The following PRKCE variants were observed in gnomAD, a reference collection of about 807,000 sequenced individuals.
PRKCE encodes the protein protein kinase C epsilon type.
PRKCE carries 16 observed loss-of-function variants against 85.4 expected under a neutral mutation model. The observed-to-expected ratio is 0.19, with a 90% confidence interval of 0.13 to 0.28. PRKCE has a LOEUF of 0.28. PRKCE is among the 10% of genes least tolerant of loss of function. The probability of loss-of-function intolerance (pLI) is 1.00; values close to 1 mark genes in which losing one functional copy is unlikely to be tolerated. For synonymous variants in PRKCE, 388 were observed against 371.5 expected, an observed-to-expected ratio of 1.04 and a Z score of -0.51; for missense variants, 573 against 975.2, an observed-to-expected ratio of 0.59 and a Z score of 5.49.
chr2:46,100,607 C>G (rs1208143481), intron 11 of PRKCE, among the ~76,000 whole-genome samples: 1 of 152,210 alleles, frequency 6.6e-6, no homozygotes, highest in Non-Finnish European at 1.5e-5. Flanking sequence ...GAAATCTGCT[C>G]ATGCAAAAGC....
At chr2:46,146,505 C>A (rs1201618350) in intron 12 of PRKCE, among the ~76,000 whole-genome samples, 1 of 152,168 alleles carries the variant, frequency 6.6e-6, no homozygotes, top group Non-Finnish European at 1.5e-5. Flanking sequence ...AAGATGGTAT[C>A]CTCAGGGATC....
chr2:46,061,824 A>ATTTCTTTTCTTTTCT (rs529400456), intron 10 of PRKCE, among the ~76,000 whole-genome samples: 212 of 129,352 alleles, frequency 1.6e-3, no homozygotes, highest in Middle Eastern at 4.3e-3. Flanking sequence ...TACGTTAAGT[A>ATTTCTTTTCTTTTCT]TTTCTTTTCT....
At chr2:45,973,302 C>G (rs4953293) in intron 2 of PRKCE, among the ~76,000 whole-genome samples, 57,887 of 152,054 alleles carry the variant, frequency 0.38, 11,155 homozygotes, top group Middle Eastern at 0.51. Context: ...CTGGCCTGAC[C>G]CGTGGCTTTC....
intron 1 of PRKCE, among the ~76,000 whole-genome samples, chr2:45,723,708 G>A (rs963999832): frequency 6.6e-6 from 1 of 152,108 alleles, no homozygotes; most frequent in Non-Finnish European, 1.5e-5. Flanking sequence ...GGTTTCAAGC[G>A]ATTCTCCTGC....
At chr2:45,749,949 C>T (rs891845870) in intron 1 of PRKCE, among the ~76,000 whole-genome samples, 2 of 152,040 alleles carry the variant, frequency 1.3e-5, no homozygotes, top group Admixed American at 1.3e-4. Flanking sequence ...AAGGATAAGG[C>T]CTTTTGGGGG....
intron 1 of PRKCE, among the ~76,000 whole-genome samples, chr2:45,797,930 C>G (rs1333174733): frequency 6.6e-6 from 1 of 152,210 alleles, no homozygotes; most frequent in Non-Finnish European, 1.5e-5. Flanking sequence ...GCCAACATAA[C>G]AAAACAGGCG....
chr2:45,944,539 A>T (rs1205277912), intron 2 of PRKCE, among the ~76,000 whole-genome samples: 1 of 151,868 alleles, frequency 6.6e-6, no homozygotes, highest in Admixed American at 6.6e-5. Flanking sequence ...CCCAGGCTGG[A>T]GTACAGTGAT....
At chr2:45,665,840 C>T (rs763111853) in intron 1 of PRKCE, among the ~76,000 whole-genome samples, 1 of 152,164 alleles carries the variant, frequency 6.6e-6, no homozygotes, top group African/African-American at 2.4e-5. Context: ...TTCTGCTTCC[C>T]ACTACCCCAA....
Position 45,907,673 on chromosome 2 carries a change from A to G in PRKCE, c.412+64610A>G, listed in dbSNP as rs564234726. On this transcript the variant is annotated intron_variant, in intron 2 of 14. Transcript: ENST00000306156. The surrounding 1 kb of genome is among the most constrained non-coding windows in gnomAD (Gnocchi z 4.5). The stretch of plus-strand genomic sequence containing the variant: ...CCAGGGAGAAGGAGCATGAGCCCAC[A>G]TCTGCCGTGGCCACCTCTCCAAGGC... Among the ~76,000 whole-genome samples the G allele has an allele frequency of 3.3e-5, 5 of 152,288 alleles. No individual in the cohort carries two copies. The East Asian group carries it at 9.6e-4, about 29-fold the overall frequency.
chr2:45,813,053 C>T (rs902061519), intron 1 of PRKCE, among the ~76,000 whole-genome samples: 16 of 152,120 alleles, frequency 1.1e-4, no homozygotes, highest in Admixed American at 6.6e-5. Flanking sequence ...TTCCTGGCCC[C>T]GCTGGCGGCC....
At chr2:46,025,567 C>T (rs139974181) in intron 10 of PRKCE, among the ~76,000 whole-genome samples, 62 of 152,294 alleles carry the variant, frequency 4.1e-4, no homozygotes, top group African/African-American at 1.5e-3. Flanking sequence ...GAGGCACAAG[C>T]GTTGAAGTGC....
intron 1 of PRKCE, among the ~76,000 whole-genome samples, chr2:45,789,644 G>T (rs1393132031): frequency 3.3e-5 from 5 of 152,080 alleles, no homozygotes; most frequent in East Asian, 3.9e-4. Context: ...TTGGGGGAAA[G>T]GGGGGAAAGA....
intron 1 of PRKCE, among the ~76,000 whole-genome samples, chr2:45,812,284 C>G (rs577864604): frequency 2.6e-5 from 4 of 152,250 alleles, no homozygotes; most frequent in African/African-American, 9.6e-5. Flanking sequence ...TTATTATGGC[C>G]CATGGAGTGA....
intron 11 of PRKCE, among the ~76,000 whole-genome samples, chr2:46,104,530 A>C (rs1181657433): frequency 6.6e-6 from 1 of 152,022 alleles, no homozygotes; most frequent in Non-Finnish European, 1.5e-5. Flanking sequence ...TTTCTGTAGC[A>C]TTGGCAGTCC....
rs530854897 is a variant in PRKCE at position 45,999,252 on chromosome 2, T to C, written c.824-2152T>C. ...TCTCTCTGAAGAACTACTTTTAACATTTCTTACAAGGCAGATCACTGCCCA... is the reference window on the plus strand; with the variant it reads ...TCTCTCTGAAGAACTACTTTTAACACTTCTTACAAGGCAGATCACTGCCCA... On this transcript the variant is annotated intron_variant, in intron 6 of 14. Transcript: ENST00000306156. Among the ~76,000 whole-genome samples the C allele has an allele frequency of 1.1e-3, 163 of 152,320 alleles. 1 individual carries two copies. Among genetic ancestry groups the C allele is most frequent in the Non-Finnish European group, 2.1e-3 (140 of 67,994 alleles).
chr2:45,821,441 G>A (rs952497177), intron 1 of PRKCE, among the ~76,000 whole-genome samples: 10 of 152,284 alleles, frequency 6.6e-5, no homozygotes, highest in Admixed American at 4.6e-4. Context: ...CCTCTGAAGG[G>A]CTACCTGTGG....
At chr2:45,855,940 G>A (rs544054872) in intron 2 of PRKCE, among the ~76,000 whole-genome samples, 1 of 152,000 alleles carries the variant, frequency 6.6e-6, no homozygotes, top group Admixed American at 6.6e-5. Flanking sequence ...TTTGCCTTCA[G>A]GGTTTTCATG....
At chr2:46,061,859 CTTTTT>C (rs10695600) in intron 10 of PRKCE, among the ~76,000 whole-genome samples, 1 of 107,742 alleles carries the variant, frequency 9.3e-6, no homozygotes. Context: ...TTTTCTTTTT[CTTTTT>C]TTTTTTTTTT....
intron 1 of PRKCE, among the ~76,000 whole-genome samples, chr2:45,831,214 T>C (rs1181622481): frequency 6.6e-6 from 1 of 152,218 alleles, no homozygotes; most frequent in Non-Finnish European, 1.5e-5. Context: ...AATTGTTACA[T>C]TGGGCCCATG....
Sources: gnomAD v4.1 joint callset for allele counts (sites outside exome capture counted in the v4.1 genomes callset) on GRCh38, gnomAD v4.1.1 for gene constraint, Gnocchi (gnomAD v3.1) non-coding constraint, MANE v1.5 for transcripts, NCBI Gene and HGNC (gene_info 2026-07-23, HGNC 2026-07-21) for gene names.